ACSF3: variants seen among roughly 807,000 people sequenced by gnomAD.
The protein encoded by ACSF3 is acyl-CoA synthetase family member 3, also known as malonate--CoA ligase ACSF3, mitochondrial.
Under a neutral mutation model 53.2 loss-of-function variants are expected in ACSF3, and 78 were observed. That is an observed-to-expected ratio of 1.47 (90% CI 1.22 to 1.77). The LOEUF (loss-of-function observed/expected upper bound fraction) is 1.77. ACSF3 is among the 40% of genes most tolerant of loss of function. The pLI, the probability that ACSF3 is intolerant of heterozygous loss-of-function variation, is 0.00. For synonymous variants in ACSF3, 414 were observed against 333.1 expected (o/e 1.24, Z -2.65); for missense variants, 937 against 771.1 (o/e 1.22, Z -2.55).
intron 8 of ACSF3, chr16:89,140,941 C>A: frequency 3.5e-6 from 2 of 575,424 alleles, no homozygotes; most frequent in Non-Finnish European, 5.2e-6. Context: ...CTTTAATGAA[C>A]ACATCAGGCC....
At chr16:89,114,135 CAA>C (rs1904600390) in intron 5 of ACSF3, 1 of 666,274 alleles carries the variant, frequency 1.5e-6, no homozygotes, top group Non-Finnish European at 2.6e-6. Context: ...TTTCAAAAAA[CAA>C]AGTCACGCCG....
At chr16:89,124,487 CTGAG>C (rs1232415414) in intron 7 of ACSF3, among the ~76,000 whole-genome samples, 3 of 72,030 alleles carry the variant, frequency 4.2e-5, no homozygotes, top group Non-Finnish European at 7.0e-5. Flanking sequence ...CGTGCACACA[CTGAG>C]TGTGTGTTAC....
rs781247397 is a variant in ACSF3 at position 89,120,901 on chromosome 16, G to A, written c.1227G>A (p.Glu409=). The change falls in exon 7 of 11, where the codon GAG becomes GAA. Residue 409 remains glutamate (E), a synonymous_variant. Transcript: ENST00000614302. ...CSYTIHAEGD[E]RGTKVTPGFE... The stretch of plus-strand genomic sequence containing the variant: ...ACACCATCCACGCAGAGGGAGACGA[G>A]AGGGGGACCAAGGTAAGCCACTCTG... 1 of 1,613,934 alleles carries A rather than the reference G, an allele frequency of 6.2e-7. No homozygotes were observed. The highest frequency in any genetic ancestry group is 2.2e-5 in the East Asian group (1 of 44,886).
chr16:89,095,876 T>C (rs777601311), intron 1 of ACSF3, among the ~76,000 whole-genome samples: 29 of 152,028 alleles, frequency 1.9e-4, no homozygotes, highest in Non-Finnish European at 2.8e-4. Flanking sequence ...AGTGAGGAAA[T>C]GAGGACAAAG....
intron 7 of ACSF3, among the ~76,000 whole-genome samples, chr16:89,121,492 T>C (rs561591129): frequency 6.6e-6 from 1 of 152,354 alleles, no homozygotes; most frequent in East Asian, 1.9e-4. Context: ...TTGTCTCATT[T>C]CTGTGAGGAT....
chr16:89,101,414 G>T, intron 3 of ACSF3, 67 bp downstream of exon 3: 1 of 1,547,250 alleles, frequency 6.5e-7, no homozygotes, highest in South Asian at 1.2e-5. Flanking sequence ...CTCCGGGCCA[G>T]AAGCACATCT....
Position 89,120,881 on chromosome 16 carries a change from A to G in ACSF3, c.1207A>G (p.Ile403Val), listed in dbSNP as rs1906478398. The change falls in exon 7 of 11, where the codon ATC becomes GTC. Residue 403 changes from isoleucine (I) to valine (V), a missense_variant. By Grantham distance (29) the Ile-to-Val change is conservative (BLOSUM62 3). Transcript: ENST00000614302. ...ACAGAGGGAAGCCTGCTCCTACACC[A>G]TCCACGCAGAGGGAGACGAGAGGGG... ...NPQREACSYT[I>V]HAEGDERGTK... 5 of 1,614,006 alleles carry G rather than the reference A, an allele frequency of 3.1e-6. No individual in the cohort carries two copies. Among genetic ancestry groups the G allele is most frequent in the Admixed American group, 1.7e-5 (1 of 60,032 alleles).
rs558773398 is a variant in ACSF3, at chr16:89,131,127, C to CTTTTTTTTTTTTT, written c.1240-1997_1240-1985dup. ...TTTCTTTCTTTTTCTTTTTCTTTTT[C>CTTTTTTTTTTTTT]TTTTTTTTTTTTTTTTTTTTTTTTG... On this transcript the variant is annotated intron_variant, in intron 7 of 10. Coordinates refer to ENST00000614302, the MANE Select transcript of ACSF3 (RefSeq NM_001243279.3). 5.4e-3 allele frequency among the ~76,000 whole-genome samples: 373 copies of CTTTTTTTTTTTTT among 69,584 alleles called. 4 individuals are homozygous for CTTTTTTTTTTTTT. Among genetic ancestry groups the CTTTTTTTTTTTTT allele is most frequent in the Non-Finnish European group, 7.4e-3 (287 of 38,902 alleles). 45.6% of individuals were successfully genotyped at this position (69,584 alleles called of 152,430 possible).
chr16:89,102,444 C>T, intron 3 of ACSF3, 160 bp from the exon 4 acceptor site: 1 of 807,178 alleles, frequency 1.2e-6, no homozygotes, highest in Non-Finnish European at 2.0e-6. Flanking sequence ...TTGTCGTCAT[C>T]TTGAGAGGCT....
chr16:89,116,982 C>T (rs1905231807), intron 6 of ACSF3, among the ~76,000 whole-genome samples: 2 of 152,180 alleles, frequency 1.3e-5, no homozygotes, highest in African/African-American at 4.8e-5. Context: ...TATCGTTGTC[C>T]TTCTTAGTAG....
chr16:89,155,395 G>C lies in ACSF3; in HGVS notation c.*1188G>C. 1 of 453,034 alleles carries C rather than the reference G, an allele frequency of 2.2e-6. No homozygotes were observed. The highest frequency in any genetic ancestry group is 1.6e-5 in the South Asian group (1 of 64,466). The allele number at this position is 453,034 out of a possible 1,614,324, so 28.1% of individuals were successfully genotyped here. Reference sequence around the variant, plus strand: ...GACCAGCCCCATCTCAGGCTCACATGCCTCGCGGACAGTTGGACGTGGCCT... The same window carrying C: ...GACCAGCCCCATCTCAGGCTCACATCCCTCGCGGACAGTTGGACGTGGCCT... On this transcript the variant is annotated 3_prime_UTR_variant, in exon 11 of 11. Transcript: ENST00000614302.
intron 8 of ACSF3, among the ~76,000 whole-genome samples, chr16:89,144,182 C>T (rs1912442274): frequency 6.6e-6 from 1 of 152,252 alleles, no homozygotes; most frequent in African/African-American, 2.4e-5. Context: ...GGCTGCAGCC[C>T]GCTCTTCCCG....
intron 6 of ACSF3, chr16:89,114,741 G>T (rs1453868937): frequency 7.0e-6 from 4 of 567,406 alleles, no homozygotes; most frequent in East Asian, 6.3e-5. Flanking sequence ...TATGACTGGG[G>T]AGACAATGGG....
chr16:89,143,552 A>G (rs529702498), intron 8 of ACSF3, among the ~76,000 whole-genome samples: 22 of 152,218 alleles, frequency 1.4e-4, no homozygotes, highest in African/African-American at 5.3e-4. Context: ...CTATTGGAAG[A>G]TTGGTGGCTG....
chr16:89,123,636 C>T, intron 7 of ACSF3, among the ~76,000 whole-genome samples: 1 of 152,232 alleles, frequency 6.6e-6, no homozygotes, highest in South Asian at 2.1e-4. Flanking sequence ...TGACTCATGA[C>T]TGTTCCTGGG....
chr16:89,139,262 G>A (rs924436408), intron 8 of ACSF3, among the ~76,000 whole-genome samples: 2 of 152,046 alleles, frequency 1.3e-5, no homozygotes, highest in South Asian at 2.1e-4. Flanking sequence ...TCCCCATGGC[G>A]CCTCCTTCCC....
At chr16:89,147,478 G>A (rs1247212152) in intron 10 of ACSF3, 6 of 115,570 alleles carry the variant, frequency 5.2e-5, no homozygotes, top group African/African-American at 1.7e-4. Flanking sequence ...GGAGGAGGGA[G>A]GGTCCACAGA....
chr16:89,112,149 C>G lies in ACSF3; in HGVS notation c.880C>G (p.Pro294Ala). The G allele has an allele frequency of 8.8e-7, 1 of 1,136,612 alleles. No homozygotes were observed. Among genetic ancestry groups the G allele is most frequent in the Non-Finnish European group, 1.1e-6 (1 of 912,132 alleles). 70.4% of individuals were successfully genotyped at this position (1,136,612 alleles called of 1,614,324 possible). ...GCGGATCAATGTCTTTATGGCAGTG[C>G]CTACAATATACACCAAGCTGATGGA... ...TPRINVFMAV[P>A]TIYTKLMEYY... is the part of the protein sequence containing the mutation. Residue 294 changes from proline to alanine, a missense_variant, in exon 5 of 11, where the codon CCT (proline) becomes GCT (alanine). Transcript: ENST00000614302.
At chr16:89,143,353 C>CGGCAGGACCAGAGCAG (rs1196405104) in intron 8 of ACSF3, among the ~76,000 whole-genome samples, 1 of 152,128 alleles carries the variant, frequency 6.6e-6, no homozygotes, top group Non-Finnish European at 1.5e-5. Flanking sequence ...ATGGCCTCTC[C>CGGCAGGACCAGAGCAG]GGCAGGACCA....
Sources: gnomAD v4.1 joint callset for allele counts (sites outside exome capture counted in the v4.1 genomes callset) on GRCh38, gnomAD v4.1.1 for gene constraint, MANE v1.5 for transcripts, NCBI Gene and HGNC (gene_info 2026-07-23, HGNC 2026-07-21) for gene names.